The following NTRK2 variants were observed in gnomAD, a reference collection of about 807,000 sequenced individuals.
The protein encoded by NTRK2 is BDNF/NT-3 growth factors receptor.
In NTRK2, 13 loss-of-function variants were observed where a neutral mutation model predicts 94.5. The ratio of observed to expected loss-of-function variants is 0.14; its 90% confidence interval spans 0.09 to 0.22. NTRK2 has a LOEUF of 0.22. Ranked by LOEUF, NTRK2 falls within the 10% of genes least tolerant of loss-of-function variation. The probability of loss-of-function intolerance (pLI) is 1.00; values close to 1 mark genes in which losing one functional copy is unlikely to be tolerated. For synonymous variants in NTRK2, 372 were observed against 407.4 expected (o/e 0.91, Z 1.05); for missense variants, 639 against 1,071.2 (o/e 0.60, Z 5.63).
At chr9:84,900,286 T>C (rs2076887930) in intron 14 of NTRK2, among the ~76,000 whole-genome samples, 1 of 152,184 alleles carries the variant, frequency 6.6e-6, no homozygotes, top group Non-Finnish European at 1.5e-5. Context: ...GTTCAAGGTC[T>C]CACAGGTAGT....
chr9:84,948,716 G>A (rs2132891064), intron 16 of NTRK2, 82 bp downstream of exon 16: 1 of 1,293,288 alleles, frequency 7.7e-7, no homozygotes, highest in East Asian at 2.4e-5. Context: ...GAGGGAACAA[G>A]GGACCCCTGG....
At chr9:84,937,128 A>G (rs2078239384) in intron 15 of NTRK2, among the ~76,000 whole-genome samples, 1 of 152,192 alleles carries the variant, frequency 6.6e-6, no homozygotes, top group South Asian at 2.1e-4. Context: ...GCCTGGGAAG[A>G]AAATGTCTAT....
intron 14 of NTRK2, among the ~76,000 whole-genome samples, chr9:84,919,511 G>T (rs376951046): frequency 1.3e-5 from 2 of 152,142 alleles, no homozygotes; most frequent in African/African-American, 4.8e-5. Flanking sequence ...CCTTGAATGG[G>T]CCCTTGACCT....
intron 14 of NTRK2, among the ~76,000 whole-genome samples, chr9:84,925,605 C>T (rs1426459046): frequency 6.6e-6 from 1 of 152,164 alleles, no homozygotes; most frequent in Non-Finnish European, 1.5e-5. Flanking sequence ...ACAGATCTGA[C>T]TGCAGCTTCT....
At chr9:84,849,665 G>A (rs1294582244) in intron 12 of NTRK2, among the ~76,000 whole-genome samples, 2 of 152,152 alleles carry the variant, frequency 1.3e-5, no homozygotes, top group African/African-American at 4.8e-5. Flanking sequence ...TTAGGAGGAG[G>A]TTACAAGTAA....
intron 12 of NTRK2, among the ~76,000 whole-genome samples, chr9:84,832,915 C>T (rs2073648741): frequency 6.6e-6 from 1 of 152,048 alleles, no homozygotes; most frequent in Non-Finnish European, 1.5e-5. Context: ...GGCAGCCACC[C>T]CCGCACCTGG....
At chr9:84,806,537 G>A (rs1441207543) in intron 12 of NTRK2, among the ~76,000 whole-genome samples, 1 of 152,214 alleles carries the variant, frequency 6.6e-6, no homozygotes, top group Non-Finnish European at 1.5e-5. Context: ...AGGTGCAGAT[G>A]ATACCTTTGC....
intron 17 of NTRK2, among the ~76,000 whole-genome samples, chr9:84,971,592 G>T (rs1428421633): frequency 6.6e-6 from 1 of 152,224 alleles, no homozygotes; most frequent in East Asian, 1.9e-4. Flanking sequence ...TGGACATAGA[G>T]CCCAAGGTGC....
chr9:84,731,788 A>C (rs985669659), intron 9 of NTRK2, among the ~76,000 whole-genome samples: 2 of 152,120 alleles, frequency 1.3e-5, no homozygotes, highest in African/African-American at 4.8e-5. Flanking sequence ...CAGGCATTAA[A>C]AGAGAGCGGC....
At chr9:84,824,469 A>G (rs1187491989) in intron 12 of NTRK2, among the ~76,000 whole-genome samples, 1 of 152,194 alleles carries the variant, frequency 6.6e-6, no homozygotes, top group African/African-American at 2.4e-5. Context: ...GCCCTGGGCT[A>G]CTAGCTCTTC....
intron 10 of NTRK2, among the ~76,000 whole-genome samples, chr9:84,742,789 G>T (rs1449008060): frequency 1.1e-4 from 11 of 103,666 alleles, no homozygotes; most frequent in East Asian, 5.6e-4. Context: ...CATTATATTA[G>T]TTTTTTTTTT....
At chr9:84,982,817 A>G (rs1342078955) in intron 17 of NTRK2, among the ~76,000 whole-genome samples, 1 of 152,234 alleles carries the variant, frequency 6.6e-6, no homozygotes, top group Non-Finnish European at 1.5e-5. Context: ...TTTCAAAGAT[A>G]TGATATATCC....
rs1459556228 is a variant in NTRK2, at chr9:84,996,908, A to T, written c.2173-23298A>T. 2.6e-5 allele frequency among the ~76,000 whole-genome samples: 4 copies of T among 152,218 alleles called. No homozygotes were observed. In the East Asian group the frequency reaches 5.8e-4, roughly 22 times the overall value. On this transcript the variant is annotated intron_variant, in intron 17 of 18. Transcript: ENST00000277120. Reference sequence around the variant, plus strand: ...TTCTAGTGCCTCCAATAACTAACTTACTTCCTTTCTGTGGCTGTTTCATGG... The same window carrying T: ...TTCTAGTGCCTCCAATAACTAACTTTCTTCCTTTCTGTGGCTGTTTCATGG...
At chr9:84,928,740 C>T (rs2077912065) in intron 14 of NTRK2, among the ~76,000 whole-genome samples, 1 of 152,146 alleles carries the variant, frequency 6.6e-6, no homozygotes, top group Admixed American at 6.5e-5. Flanking sequence ...GTATTCAGTC[C>T]TGGGAGATGG....
chr9:84,826,431 A>G (rs2073192765), intron 12 of NTRK2, among the ~76,000 whole-genome samples: 1 of 152,198 alleles, frequency 6.6e-6, no homozygotes, highest in Admixed American at 6.5e-5. Context: ...GTAATTTTTA[A>G]TAACATTTGC....
chr9:84,679,147 A>G (rs1240455864), intron 2 of NTRK2, among the ~76,000 whole-genome samples: 1 of 152,160 alleles, frequency 6.6e-6, no homozygotes, highest in Non-Finnish European at 1.5e-5. Flanking sequence ...AGCCTCTAAA[A>G]CTGTGAGCAA....
intron 12 of NTRK2, among the ~76,000 whole-genome samples, chr9:84,766,829 A>AATATGCAC (rs1430238552): frequency 1.3e-5 from 2 of 152,044 alleles, no homozygotes; most frequent in Non-Finnish European, 2.9e-5. Context: ...CACAACACAT[A>AATATGCAC]ATATGCACAC....
chr9:84,671,473 C>T (rs1587823439), intron 2 of NTRK2, among the ~76,000 whole-genome samples: 1 of 152,034 alleles, frequency 6.6e-6, no homozygotes, highest in Admixed American at 6.6e-5. Context: ...TTTTATATAT[C>T]GGATTTTGCT....
Position 84,829,628 on chromosome 9 carries a change from G to A in NTRK2, c.1397-31412G>A, listed in dbSNP as rs550971358. Among the ~76,000 whole-genome samples, 48 of 152,310 alleles carry A rather than the reference G, an allele frequency of 3.2e-4. No individual in the cohort carries two copies. In the South Asian group the frequency reaches 4.1e-3, roughly 13 times the overall value. On this transcript the variant is annotated intron_variant, in intron 12 of 18. Coordinates refer to ENST00000277120, the MANE Select transcript of NTRK2 (RefSeq NM_006180.6). The stretch of plus-strand genomic sequence containing the variant: ...GTTCCGCCTGTTTGCATGCTGGGCC[G>A]TTGTTGGACTCTGCACCACCCGGGA...
Sources: gnomAD v4.1 joint callset for allele counts (sites outside exome capture counted in the v4.1 genomes callset) on GRCh38, gnomAD v4.1.1 for gene constraint, MANE v1.5 for transcripts, NCBI Gene and HGNC (gene_info 2026-07-23, HGNC 2026-07-21) for gene names.